Variants in SEMA5A observed in about 807,000 individuals in gnomAD.
SEMA5A encodes the protein semaphorin-5A.
SEMA5A carries 55 observed loss-of-function variants against 135.5 expected under a neutral mutation model. The ratio of observed to expected loss-of-function variants is 0.41; its 90% CI spans 0.33 to 0.51. The LOEUF (loss-of-function observed/expected upper bound fraction) is 0.51. Among genes scored for constraint, SEMA5A ranks in the 20% least tolerant of loss-of-function variants. The probability of loss-of-function intolerance (pLI) is 0.37; values close to 1 mark genes in which losing one functional copy is unlikely to be tolerated. For synonymous variants in SEMA5A, 580 were observed against 546.5 expected (o/e 1.06, Z -0.85); for missense variants, 1,290 against 1,419.9 (o/e 0.91, Z 1.47).
chr5:9,239,909 A>G (rs1175621238), intron 5 of SEMA5A, among the ~76,000 whole-genome samples: 1 of 152,108 alleles, frequency 6.6e-6, no homozygotes, highest in Non-Finnish European at 1.5e-5. Flanking sequence ...TCCCAGGGCT[A>G]AGGAAGAAGA....
intron 13 of SEMA5A, among the ~76,000 whole-genome samples, chr5:9,130,909 T>C (rs549632413): frequency 1.3e-5 from 2 of 152,260 alleles, no homozygotes; most frequent in South Asian, 4.1e-4. Flanking sequence ...TTTGGAACAT[T>C]TGATAAACCC....
chr5:9,408,393 G>T (rs929231735), intron 2 of SEMA5A, among the ~76,000 whole-genome samples: 4 of 152,180 alleles, frequency 2.6e-5, no homozygotes, highest in Non-Finnish European at 5.9e-5. Flanking sequence ...ACTTTCTGAA[G>T]TCATTATCTT....
chr5:9,350,222 C>T (rs567483304), intron 3 of SEMA5A, among the ~76,000 whole-genome samples: 1 of 152,296 alleles, frequency 6.6e-6, no homozygotes, highest in African/African-American at 2.4e-5. Flanking sequence ...AACTACCCTG[C>T]ATTTACCAAA....
chr5:9,043,141 T>C (rs755263636), intron 22 of SEMA5A, 125 bp from the exon 23 acceptor site: 62 of 852,534 alleles, frequency 7.3e-5, no homozygotes, highest in Non-Finnish European at 9.6e-5. Flanking sequence ...TTAAAATATG[T>C]TTTCTTATTT....
At chr5:9,248,795 A>G (rs1286599793) in intron 5 of SEMA5A, among the ~76,000 whole-genome samples, 1 of 152,140 alleles carries the variant, frequency 6.6e-6, no homozygotes, top group East Asian at 1.9e-4. Context: ...CAAAAGAGAA[A>G]AAGAACAAAT....
chr5:9,189,242 A>T (rs968467206), intron 11 of SEMA5A, among the ~76,000 whole-genome samples: 1 of 152,224 alleles, frequency 6.6e-6, no homozygotes, highest in Non-Finnish European at 1.5e-5. Flanking sequence ...CCTTCCTGGC[A>T]TCTTACTGAC....
rs1736558772 is a variant in SEMA5A at position 9,051,236 on chromosome 5, A to G, written c.2845+637T>C. Reference sequence around the variant, plus strand: ...AAAGAAAACTGGCTTATAGAATTCAACTCTACTATTTATTTGTAAGAGGCT... The same window carrying G: ...AAAGAAAACTGGCTTATAGAATTCAGCTCTACTATTTATTTGTAAGAGGCT... On this transcript the variant is annotated intron_variant, in intron 20 of 22. Transcript: ENST00000382496. Among the ~76,000 whole-genome samples, 2 of 152,154 alleles carry G rather than the reference A, an allele frequency of 1.3e-5. 1 individual carries two copies. Among genetic ancestry groups the G allele is most frequent in the African/African-American group, 4.8e-5 (2 of 41,408 alleles).
intron 1 of SEMA5A, among the ~76,000 whole-genome samples, chr5:9,439,150 C>T (rs1214334706): frequency 3.3e-5 from 5 of 152,262 alleles, no homozygotes; most frequent in Non-Finnish European, 5.9e-5. Flanking sequence ...CTCAAAAGTC[C>T]GTGACATCAT....
chr5:9,221,533 A>G (rs1219468099), intron 8 of SEMA5A, among the ~76,000 whole-genome samples: 4 of 151,486 alleles, frequency 2.6e-5, no homozygotes, highest in African/African-American at 4.9e-5. Context: ...CGATCTCCTG[A>G]CCTCGTGATC....
intron 8 of SEMA5A, among the ~76,000 whole-genome samples, chr5:9,218,947 C>T (rs2150402763): frequency 6.6e-6 from 1 of 152,344 alleles, no homozygotes; most frequent in East Asian, 1.9e-4. Context: ...ACAGTAGCTC[C>T]CCTTATTTGT....
At chr5:9,109,216 A>G (rs1346448545) in intron 15 of SEMA5A, among the ~76,000 whole-genome samples, 1 of 150,446 alleles carries the variant, frequency 6.6e-6, no homozygotes, top group Admixed American at 6.6e-5. Context: ...AATTTTTTGT[A>G]TTTTTAGTAG....
At chr5:9,200,884 G>A (rs1002634645) in intron 9 of SEMA5A, among the ~76,000 whole-genome samples, 2 of 152,112 alleles carry the variant, frequency 1.3e-5, no homozygotes, top group Admixed American at 1.3e-4. Context: ...GACATCATAG[G>A]GTGACCAGTT....
intron 18 of SEMA5A, 58 bp from the exon 19 acceptor site, chr5:9,054,315 G>C (rs750294171): frequency 3.2e-5 from 50 of 1,555,168 alleles, no homozygotes; most frequent in Non-Finnish European, 3.9e-5. Context: ...CAAGTGAAAG[G>C]AGTTACTAAA....
intron 1 of SEMA5A, among the ~76,000 whole-genome samples, chr5:9,460,778 T>A (rs1420511923): frequency 6.6e-6 from 1 of 152,190 alleles, no homozygotes. Context: ...TATGACACAA[T>A]CAAATGAAAT....
chr5:9,098,575 C>T (rs1294949084), intron 16 of SEMA5A, among the ~76,000 whole-genome samples: 2 of 152,186 alleles, frequency 1.3e-5, no homozygotes, highest in Non-Finnish European at 2.9e-5. Flanking sequence ...TAGAGAGTCA[C>T]TCTTAATTAC....
intron 3 of SEMA5A, among the ~76,000 whole-genome samples, chr5:9,340,445 T>C (rs1753597848): frequency 6.6e-6 from 1 of 152,204 alleles, no homozygotes; most frequent in Non-Finnish European, 1.5e-5. Context: ...TCTTTTCCCA[T>C]GCATTCATCT....
intron 4 of SEMA5A, among the ~76,000 whole-genome samples, chr5:9,324,356 C>T (rs953561003): frequency 1.3e-5 from 2 of 152,216 alleles, no homozygotes; most frequent in African/African-American, 4.8e-5. Flanking sequence ...GCGTGAGCCA[C>T]CGTGCCTGGC....
chr5:9,136,332 G>A (rs1002907352), intron 13 of SEMA5A, among the ~76,000 whole-genome samples, 172 bp downstream of exon 13: 2 of 152,184 alleles, frequency 1.3e-5, no homozygotes, highest in East Asian at 1.9e-4. Context: ...AGCATTCCAC[G>A]TGGCCCTGTG....
Position 9,056,260 on chromosome 5 carries a change from C to A in SEMA5A, c.2519-2003G>T, listed in dbSNP as rs531902953. On this transcript the variant is annotated intron_variant, in intron 18 of 22. Transcript: ENST00000382496. ...CATGAATCAACAGGGAAATGCAAAT[C>A]AAAACCACAGTGATGTATCACCTCA... is the stretch of plus-strand genomic sequence containing the variant. 1.8e-4 allele frequency among the ~76,000 whole-genome samples: 27 copies of A among 152,292 alleles called. No homozygotes were observed. In the South Asian group the frequency reaches 5.6e-3, roughly 32 times the overall value.
Sources: gnomAD v4.1 joint callset for allele counts (sites outside exome capture counted in the v4.1 genomes callset) on GRCh38, gnomAD v4.1.1 for gene constraint, MANE v1.5 for transcripts, NCBI Gene and HGNC (gene_info 2026-07-23, HGNC 2026-07-21) for gene names.